Variants in DVL1 observed in about 807,000 individuals in gnomAD.
The protein encoded by DVL1 is segment polarity protein dishevelled homolog DVL-1.
In DVL1, 49 loss-of-function variants were observed where a neutral mutation model predicts 65.0. That is an observed-to-expected ratio of 0.75 (90% CI 0.60 to 0.96). The LOEUF is 0.96. Ranked by LOEUF, DVL1 falls within the 40% of genes least tolerant of loss-of-function variation. The probability of loss-of-function intolerance (pLI) is 0.00; values close to 1 mark genes in which losing one functional copy is unlikely to be tolerated. For missense variants in DVL1, 1,197 were observed against 1,045.4 expected, an observed-to-expected ratio of 1.15 and a Z score of -2.00; for synonymous variants, 608 against 433.9, an observed-to-expected ratio of 1.40 and a Z score of -4.99.
intron 1 of DVL1, among the ~76,000 whole-genome samples, chr1:1,348,024 C>T (rs1569751315): frequency 6.6e-6 from 1 of 152,246 alleles, no homozygotes; most frequent in East Asian, 1.9e-4. Context: ...CGGCCACACA[C>T]AAGGACACCG....
chr1:1,337,913 G>T, intron 14 of DVL1, 64 bp downstream of exon 14: 2 of 1,318,250 alleles, frequency 1.5e-6, no homozygotes, highest in Non-Finnish European at 2.1e-6. Context: ...GGGCGGAGCA[G>T]CAGTGGAGTG....
rs2100729732 is a variant in DVL1 at position 1,339,882 on chromosome 1, C to CCG, written c.910-71_910-70insCG. 7 of 1,586,318 alleles carry CCG rather than the reference C, an allele frequency of 4.4e-6. No homozygotes were observed. In the Middle Eastern group the frequency reaches 5.0e-4, roughly 114 times the overall value. On this transcript the variant is annotated intron_variant, in intron 8 of 14. Coordinates refer to ENST00000378888, the MANE Select transcript of DVL1 (RefSeq NM_001330311.2). ...CAGTCCACCGCCCCCGCAGACCCAC[C>CCG]CACAGCCGCATGTCCCCCAGCAGCC...
chr1:1,340,164 A>C lies in DVL1; in HGVS notation c.783T>G (p.Phe261Leu). The C allele has an allele frequency of 6.2e-7, 1 of 1,613,444 alleles. No individual in the cohort carries two copies. The highest frequency in any genetic ancestry group is 8.5e-7 in the Non-Finnish European group (1 of 1,179,928). ...TVTLNMERHH[F>L]LGISIVGQSN... is the part of the protein sequence containing the mutation. ...TCTGCCCCACGATGCTGATGCCCAG[A>C]AAGTGATGTCTTTCTGCAGGAAGAG... Residue 261 changes from phenylalanine to leucine, a missense_variant, in exon 8 of 15, where the codon TTT becomes TTG. Transcript: ENST00000378888.
Position 1,336,157 on chromosome 1 carries a change from G to A in DVL1, c.2073C>T (p.Phe691=), listed in dbSNP as rs529716214. The change falls in exon 15 of 15, where the codon TTC becomes TTT. Residue 691 remains phenylalanine, a synonymous_variant. Transcript: ENST00000378888. ...QKAMGNPCEF[F]VDIM ...GCGCCACGAGTCACATGATGTCCAC[G>A]AAGAACTCGCAGGGGTTCCCCATAG... 2.1e-5 allele frequency: 33 copies of A among 1,576,308 alleles called. No individual in the cohort carries two copies. The highest frequency in any genetic ancestry group is 1.6e-4 in the South Asian group (14 of 87,776).
In DVL1 at chr1:1,342,145, G is replaced by A. The variant is rs774145926; in HGVS notation, c.374C>T (p.Ala125Val). The A allele has an allele frequency of 3.2e-6, 5 of 1,570,844 alleles. No individual in the cohort carries two copies. The highest frequency in any genetic ancestry group is 4.3e-6 in the Non-Finnish European group (5 of 1,158,838). ...SRPPSFHPNVASSRDGMDNET... is the reference protein window; with the variant it reads ...SRPPSFHPNVVSSRDGMDNET... ...GTTGTCCATCCCGTCACGGCTGCTG[G>A]CCACATTTGGGCTGTGCAACAAGAG... The change falls in exon 4 of 15, where the codon GCC becomes GTC. Residue 125 changes from alanine (A) to valine (V), a missense_variant. Physicochemically the swap from Ala to Val is moderately conservative, Grantham distance 64. Coordinates refer to ENST00000378888, the MANE Select transcript of DVL1 (RefSeq NM_001330311.2).
chr1:1,341,652 G>A lies in DVL1; in HGVS notation c.605+15C>T, dbSNP rs1474126541. On this transcript the variant is annotated intron_variant, in intron 5 of 14. Transcript: ENST00000378888. ...GGGCACACAGGCATACACGCCCACA[G>A]ACACTCCCACACACCTGCTCGTGCT... The A allele has an allele frequency of 2.5e-6, 4 of 1,589,204 alleles. No homozygotes were observed. Among genetic ancestry groups the A allele is most frequent in the Non-Finnish European group, 2.6e-6 (3 of 1,161,644 alleles).
At chr1:1,347,784 C>G (rs746759411) in intron 1 of DVL1, among the ~76,000 whole-genome samples, 1 of 152,112 alleles carries the variant, frequency 6.6e-6, no homozygotes, top group East Asian at 1.9e-4. Context: ...GCAGGAGGGC[C>G]GCTGAGCCGA....
At chr1:1,347,075 G>C (rs1643926129) in intron 1 of DVL1, among the ~76,000 whole-genome samples, 3 of 152,150 alleles carry the variant, frequency 2.0e-5, no homozygotes, top group Admixed American at 1.3e-4. Context: ...CAGAGGACCA[G>C]GGAGGACACA....
chr1:1,348,425 G>A (rs992556629), intron 1 of DVL1, among the ~76,000 whole-genome samples: 2 of 152,022 alleles, frequency 1.3e-5, no homozygotes, highest in African/African-American at 4.8e-5. Context: ...CCTGCAGAAG[G>A]GGGCCAGGAG....
intron 14 of DVL1, chr1:1,337,050 C>T: frequency 1.0e-6 from 1 of 988,838 alleles, no homozygotes. Flanking sequence ...GTCCTTCAGT[C>T]TAAGGCTTGT....
At chr1:1,346,145 C>A (rs528033984) in intron 1 of DVL1, among the ~76,000 whole-genome samples, 2 of 152,148 alleles carry the variant, frequency 1.3e-5, no homozygotes, top group African/African-American at 2.4e-5. Flanking sequence ...GAACTCCCCC[C>A]ACAGCCCAGG....
intron 2 of DVL1, 38 bp from the exon 3 acceptor site, chr1:1,342,522 G>C: frequency 6.3e-7 from 1 of 1,598,328 alleles, no homozygotes; most frequent in South Asian, 1.1e-5. Context: ...GAGCCCACCC[G>C]CCTTCAGGAC....
chr1:1,338,515 C>A lies in DVL1; in HGVS notation c.1339+7G>T. On this transcript the variant is annotated splice_region_variant and intron_variant, in intron 12 of 14. Coordinates refer to ENST00000378888, the MANE Select transcript of DVL1 (RefSeq NM_001330311.2). ...GGCACTATCCGCCCGCGGGGACGGC[C>A]ACTCACCGATGACGGCATTGGCGAT... 6.2e-7 allele frequency: 1 copy of A among 1,612,264 alleles called. No homozygotes were observed. The highest frequency in any genetic ancestry group is 1.1e-5 in the South Asian group (1 of 91,066).
At position 1,348,934 on chromosome 1, in the gene DVL1, G is replaced by A. The variant is rs896506918; in HGVS notation, c.132C>T (p.Ala44=). 5 of 1,572,938 alleles carry A rather than the reference G, an allele frequency of 3.2e-6. No individual in the cohort carries two copies. Among genetic ancestry groups the A allele is most frequent in the South Asian group, 2.2e-5 (2 of 90,022 alleles). The part of the protein sequence containing the change: ...KNVLSNRPVH[A]YKFFFKSMDQ... The stretch of plus-strand genomic sequence containing the variant: ...CCATGGACTTAAAGAAGAATTTGTA[G>A]GCGTGCACGGGCCGGTTGCTGAGCA... The change falls in exon 1 of 15, where the codon GCC becomes GCT. Residue 44 remains alanine, a synonymous_variant. Transcript: ENST00000378888.
chr1:1,337,093 C>T (rs535021494), intron 14 of DVL1: 15 of 987,960 alleles, frequency 1.5e-5, no homozygotes, highest in Middle Eastern at 5.2e-4. Context: ...ACGAGTTACA[C>T]GCCCGGCTGC....
At position 1,342,716 on chromosome 1, in the gene DVL1, G is replaced by C; in HGVS notation, c.213C>G (p.Pro71=). The C allele has an allele frequency of 1.2e-6, 2 of 1,613,124 alleles. No individual in the cohort carries two copies. The highest frequency in any genetic ancestry group is 1.7e-6 in the Non-Finnish European group (2 of 1,179,790). ...AGGAGACCACGCGGCCGTTGAAGCA[G>C]GGAAGCTTGGCATTGTCATCAAAGA... ...EEIFDDNAKL[P]CFNGRVVSWL... Residue 71 remains proline, a synonymous_variant, in exon 2 of 15, where the codon CCC becomes CCG. Transcript: ENST00000378888.
rs377426716 is a variant in DVL1 at position 1,336,133 on chromosome 1, C to T, written c.*9G>A. 1.5e-4 allele frequency: 232 copies of T among 1,571,632 alleles called. No homozygotes were observed. The African/African-American group carries it at 2.9e-3, about 19-fold the overall frequency. The stretch of plus-strand genomic sequence containing the variant: ...CCACCTCAGGCAGGGCTGGGGCATG[C>T]GCCACGAGTCACATGATGTCCACGA... On this transcript the variant is annotated 3_prime_UTR_variant, in exon 15 of 15. Coordinates refer to ENST00000378888, the MANE Select transcript of DVL1 (RefSeq NM_001330311.2).
rs903029045 is a variant in DVL1 at position 1,335,765 on chromosome 1, G to A, written c.*377C>T. 1.1e-4 allele frequency: 26 copies of A among 234,584 alleles called. 2 individuals are homozygous for A. In the South Asian group the frequency reaches 1.6e-3, roughly 14 times the overall value. The allele number at this position is 234,584 out of a possible 1,614,324, so 14.5% of individuals were successfully genotyped here. The stretch of plus-strand genomic sequence containing the variant: ...AAATTAGATCCCTACTCCAGACAGG[G>A]GGCCTGTGCACCGCAGGGGGTTGCC... On this transcript the variant is annotated 3_prime_UTR_variant, in exon 15 of 15. Coordinates refer to ENST00000378888, the MANE Select transcript of DVL1 (RefSeq NM_001330311.2).
At position 1,348,925 on chromosome 1, in the gene DVL1, G is replaced by T; in HGVS notation, c.141C>A (p.Phe47Leu). 3 of 1,571,626 alleles carry T rather than the reference G, an allele frequency of 1.9e-6. No homozygotes were observed. Among genetic ancestry groups the T allele is most frequent in the Non-Finnish European group, 1.7e-6 (2 of 1,155,584 alleles). ...AGTCCTGGTCCATGGACTTAAAGAA[G>T]AATTTGTAGGCGTGCACGGGCCGGT... ...LSNRPVHAYK[F>L]FFKSMDQDFG... The change falls in exon 1 of 15, where the codon TTC becomes TTA. Residue 47 changes from phenylalanine (F) to leucine (L), a missense_variant. Physicochemically the swap from Phe to Leu is conservative, Grantham distance 22 (BLOSUM62 0). Coordinates refer to ENST00000378888, the MANE Select transcript of DVL1 (RefSeq NM_001330311.2).
Sources: allele counts gnomAD v4.1 joint callset (sites outside exome capture counted in the v4.1 genomes callset), GRCh38; gene constraint gnomAD v4.1.1; transcripts MANE v1.5; gene names NCBI Gene and HGNC (gene_info 2026-07-23, HGNC 2026-07-21).